The following NOTCH1 variants were observed in gnomAD, a reference collection of about 807,000 sequenced individuals.
The protein encoded by NOTCH1 is neurogenic locus notch homolog protein 1.
A neutral mutation model predicts 254.8 loss-of-function variants in NOTCH1; 37 were observed. The observed-to-expected ratio is 0.15, with a 90% CI of 0.11 to 0.19. NOTCH1 has a LOEUF of 0.19. Ranked by LOEUF, NOTCH1 falls within the 10% of genes least tolerant of loss-of-function variation. The pLI is 1.00. For synonymous variants in NOTCH1, 1,731 were observed against 1,618.1 expected (o/e 1.07, Z -1.68); for missense variants, 2,972 against 3,708.6 (o/e 0.80, Z 5.16).
intron 27 of NOTCH1, 72 bp from the exon 28 acceptor site, chr9:136,502,560 G>A (rs896478773): frequency 3.9e-6 from 4 of 1,028,760 alleles, no homozygotes; most frequent in Middle Eastern, 3.2e-4. Flanking sequence ...GGTGGCCGGG[G>A]GGCGGCGGAC....
At chr9:136,502,605 C>T in intron 27 of NOTCH1, 117 bp from the exon 28 acceptor site, 12 of 606,120 alleles carry the variant, frequency 2.0e-5, no homozygotes, top group Non-Finnish European at 2.8e-5. Context: ...CACCCACTCT[C>T]CTCCATCCCG....
rs1589053106 is a variant in NOTCH1 at position 136,497,021 on chromosome 9, T to C, written c.6718A>G (p.Thr2240Ala). 2.5e-6 allele frequency: 4 copies of C among 1,609,442 alleles called. No individual in the cohort carries two copies. The highest frequency in any genetic ancestry group is 3.4e-6 in the Non-Finnish European group (4 of 1,178,322). ...PLNHLPGMPD[T>A]HLGIGHLNVA... ...TTCAGGTGCCCGATGCCCAGGTGGG[T>C]GTCGGGCATCCCAGGCAGGTGGTTG... The change falls in exon 34 of 34, where the codon ACC (threonine) becomes GCC (alanine). Residue 2240 changes from threonine to alanine, a missense_variant. Transcript: ENST00000651671.
intron 21 of NOTCH1, among the ~76,000 whole-genome samples, 183 bp downstream of exon 21, chr9:136,507,772 G>A (rs1420039910): frequency 6.6e-6 from 1 of 152,156 alleles, no homozygotes; most frequent in Non-Finnish European, 1.5e-5. Flanking sequence ...CCTCCTTCAG[G>A]CTTTCCACAG....
chr9:136,507,109 G>A (rs992146216), intron 22 of NOTCH1, 136 bp from the exon 23 acceptor site: 9 of 1,461,138 alleles, frequency 6.2e-6, no homozygotes, highest in Middle Eastern at 2.4e-4. Flanking sequence ...CAAGGGTGCC[G>A]TGGAGACGCC....
At chr9:136,509,558 T>C (rs1224679914) in intron 18 of NOTCH1, among the ~76,000 whole-genome samples, 175 bp downstream of exon 18, 1 of 152,170 alleles carries the variant, frequency 6.6e-6, no homozygotes, top group Non-Finnish European at 1.5e-5. Context: ...GAGGTCACAA[T>C]GGCCCTCTCA....
chr9:136,508,243 G>A lies in NOTCH1; in HGVS notation c.3314C>T (p.Ala1105Val), dbSNP rs778118508. ...DVPSVSCEVA[A>V]QRQGVDVARL... ...GCACAGCAGGTTACCTTGTCGCTGC[G>A]CAGCCACCTCACAGGACACGCTGGG... The change falls in exon 20 of 34, where the codon GCG becomes GTG. Residue 1105 changes from alanine (A) to valine (V), a missense_variant. Coordinates refer to ENST00000651671, the MANE Select transcript of NOTCH1 (RefSeq NM_017617.5). The A allele has an allele frequency of 1.9e-6, 3 of 1,611,654 alleles. No homozygotes were observed. Among genetic ancestry groups the A allele is most frequent in the Non-Finnish European group, 8.5e-7 (1 of 1,179,440 alleles).
intron 2 of NOTCH1, among the ~76,000 whole-genome samples, chr9:136,535,726 GTGGA>G (rs1490507190): frequency 8.2e-5 from 3 of 36,418 alleles, no homozygotes; most frequent in African/African-American, 2.0e-4. Context: ...GTGGGAGTGG[GTGGA>G]GGGGGGAGCA....
intron 9 of NOTCH1, among the ~76,000 whole-genome samples, chr9:136,516,363 G>A (rs1843272695): frequency 6.6e-6 from 1 of 152,244 alleles, no homozygotes; most frequent in African/African-American, 2.4e-5. Context: ...GCCGGGCTGA[G>A]AATGGGGCTC....
At position 136,505,124 on chromosome 9, in the gene NOTCH1, C is replaced by G; in HGVS notation, c.4587-20G>C. The G allele has an allele frequency of 6.2e-7, 1 of 1,602,748 alleles. No individual in the cohort carries two copies. Among genetic ancestry groups the G allele is most frequent in the Non-Finnish European group, 8.5e-7 (1 of 1,178,172 alleles). ...AGGGGGCTGTGGGGGGCGGGACACGCTCAGGCCGCCTTCCTCGGGGGGCCT... is the reference window on the plus strand; with the variant it reads ...AGGGGGCTGTGGGGGGCGGGACACGGTCAGGCCGCCTTCCTCGGGGGGCCT... On this transcript the variant is annotated intron_variant, in intron 25 of 33. Transcript: ENST00000651671.
chr9:136,538,499 G>A (rs749676356), intron 2 of NOTCH1, among the ~76,000 whole-genome samples: 14 of 152,264 alleles, frequency 9.2e-5, no homozygotes, highest in Non-Finnish European at 1.8e-4. Context: ...CGGAGCTCCG[G>A]GCCCCACAGG....
At chr9:136,507,502 C>T in intron 21 of NOTCH1, 65 bp from the exon 22 acceptor site, 1 of 1,553,048 alleles carries the variant, frequency 6.4e-7, no homozygotes, top group Non-Finnish European at 8.7e-7. Context: ...TGCTCCCACA[C>T]CCCACTGTGA....
rs2133363659 is a variant in NOTCH1 at position 136,515,568 on chromosome 9, C to T, written c.1818G>A (p.Glu606=). The change falls in exon 11 of 34, where the codon GAG becomes GAA. Residue 606 remains glutamate (E), a synonymous_variant. Transcript: ENST00000651671. ...CGTGGCGGCAGGGCTGGCTGGAGCA[C>T]TCGTTGATGTTGGTCTCGCAGTGGT... The part of the protein sequence containing the change: ...TGHHCETNIN[E]CSSQPCRHGG... 1.2e-6 allele frequency: 2 copies of T among 1,610,998 alleles called. No individual in the cohort carries two copies. The highest frequency in any genetic ancestry group is 8.5e-7 in the Non-Finnish European group (1 of 1,179,810).
At chr9:136,528,640 G>A (rs1261587261) in intron 2 of NOTCH1, among the ~76,000 whole-genome samples, 1 of 151,720 alleles carries the variant, frequency 6.6e-6, no homozygotes, top group African/African-American at 2.4e-5. Context: ...GCACACCCCG[G>A]CTCCCTGGGA....
intron 15 of NOTCH1, among the ~76,000 whole-genome samples, chr9:136,512,309 C>A (rs1232464511): frequency 2.0e-5 from 3 of 152,202 alleles, no homozygotes; most frequent in African/African-American, 7.2e-5. Context: ...CGTGGGACCT[C>A]CAGCCCGGCT....
intron 27 of NOTCH1, 68 bp from the exon 28 acceptor site, chr9:136,502,556 C>T (rs1329129849): frequency 1.7e-5 from 18 of 1,033,358 alleles, no homozygotes; most frequent in Admixed American, 1.6e-4. Flanking sequence ...GGCTGGTGGC[C>T]GGGGGGCGGC....
chr9:136,505,183 C>T, intron 25 of NOTCH1, 79 bp from the exon 26 acceptor site: 6 of 1,540,308 alleles, frequency 3.9e-6, no homozygotes, highest in East Asian at 2.3e-5. Context: ...AGCCCACTGG[C>T]CAGCCGCGGG....
At position 136,497,368 on chromosome 9, in the gene NOTCH1, A is replaced by G; in HGVS notation, c.6371T>C (p.Leu2124Pro). The change falls in exon 34 of 34, where the codon CTG becomes CCG. Residue 2124 changes from leucine (L) to proline (P), a missense_variant. By Grantham distance (98) the Leu-to-Pro change is moderately conservative. Transcript: ENST00000651671. ...CGTGCCCCCCAGCGGGGCTCCGTGC[A>G]GCTGCGGGCTGCGCACCAGGTTGTA... ...DEYNLVRSPQ[L>P]HGAPLGGTPT... The G allele has an allele frequency of 6.2e-7, 1 of 1,607,814 alleles. No individual in the cohort carries two copies. Among genetic ancestry groups the G allele is most frequent in the South Asian group, 1.1e-5 (1 of 91,024 alleles).
intron 33 of NOTCH1, 109 bp downstream of exon 33, chr9:136,498,790 G>C (rs113566917): frequency 7.5e-7 from 1 of 1,326,434 alleles, no homozygotes; most frequent in East Asian, 2.3e-5. Flanking sequence ...AGCGACCCTC[G>C]AGACCCTGTG....
At position 136,495,110 on chromosome 9, in the gene NOTCH1, A is replaced by G; in HGVS notation, c.*961T>C. 1 of 398,980 alleles carries G rather than the reference A, an allele frequency of 2.5e-6. No individual in the cohort carries two copies. The highest frequency in any genetic ancestry group is 4.4e-6 in the Non-Finnish European group (1 of 226,070). 24.7% of individuals were successfully genotyped at this position (398,980 alleles called of 1,614,324 possible). A position where few individuals can be genotyped will look rare whatever the true frequency, so the allele number is the denominator to read the frequency against. On this transcript the variant is annotated 3_prime_UTR_variant, in exon 34 of 34. Coordinates refer to ENST00000651671, the MANE Select transcript of NOTCH1 (RefSeq NM_017617.5). ...GAGCATCTTCTTCGGAACCTGGGGG[A>G]CACTGTGCAGGCTGAGGTGCTGGGG... is the stretch of plus-strand genomic sequence containing the variant.
Sources: allele counts gnomAD v4.1 joint callset (sites outside exome capture counted in the v4.1 genomes callset), GRCh38; gene constraint gnomAD v4.1.1; transcripts MANE v1.5; gene names NCBI Gene and HGNC (gene_info 2026-07-23, HGNC 2026-07-21).